HRH1: variants seen among roughly 807,000 people sequenced by gnomAD.
HRH1 encodes the protein histamine H1 receptor.
A neutral mutation model predicts 10.3 loss-of-function variants in HRH1; 6 were observed. The ratio of observed to expected loss-of-function variants is 0.58; its 90% confidence interval spans 0.32 to 1.15. The LOEUF (loss-of-function observed/expected upper bound fraction) is 1.15. Ranked by LOEUF, HRH1 falls within the 50% of genes most tolerant of loss-of-function variation. HRH1 has a pLI of 0.05. For synonymous variants in HRH1, 242 were observed against 236.7 expected, an observed-to-expected ratio of 1.02 and a Z score of -0.21; for missense variants, 514 against 615.3, an observed-to-expected ratio of 0.84 and a Z score of 1.74.
intron 1 of HRH1, among the ~76,000 whole-genome samples, chr3:11,231,548 T>C (rs79540869): frequency 1.0e-3 from 155 of 152,362 alleles, no homozygotes; most frequent in Admixed American, 2.7e-3. Flanking sequence ...TGTGCAGTGA[T>C]ATCTCGTTGT....
chr3:11,229,495 G>A lies in HRH1; in HGVS notation c.-35-29508G>A, dbSNP rs189170088. On this transcript the variant is annotated intron_variant, in intron 1 of 1. Coordinates refer to ENST00000431010, the MANE Select transcript of HRH1 (RefSeq NM_001098212.2). Reference sequence around the variant, plus strand: ...TACCACATCTTGGGTGTTACCTGAAGTGACTGTAAATGGTACAGAGATGTA... The same window carrying A: ...TACCACATCTTGGGTGTTACCTGAAATGACTGTAAATGGTACAGAGATGTA... Among the ~76,000 whole-genome samples the A allele has an allele frequency of 2.0e-5, 3 of 152,314 alleles. No individual in the cohort carries two copies. In the East Asian group the frequency reaches 5.8e-4, roughly 29 times the overall value.
intron 1 of HRH1, among the ~76,000 whole-genome samples, chr3:11,231,269 T>C (rs1196715745): frequency 6.6e-6 from 1 of 152,256 alleles, no homozygotes; most frequent in East Asian, 1.9e-4. Context: ...AGCATTGAGC[T>C]ATTATGAATA....
At chr3:11,186,157 A>T (rs931893463) in intron 1 of HRH1, among the ~76,000 whole-genome samples, 2 of 152,094 alleles carry the variant, frequency 1.3e-5, no homozygotes, top group African/African-American at 2.4e-5. Flanking sequence ...CAGGTTTGGC[A>T]TCCGGACAAC....
At chr3:11,161,237 A>G (rs983231041) in intron 1 of HRH1, among the ~76,000 whole-genome samples, 1 of 152,190 alleles carries the variant, frequency 6.6e-6, no homozygotes, top group Admixed American at 6.5e-5. Context: ...GATTGTTTGT[A>G]TAGGTTGTAT....
chr3:11,196,771 A>T (rs1025231526), intron 1 of HRH1, among the ~76,000 whole-genome samples: 2 of 151,960 alleles, frequency 1.3e-5, no homozygotes, highest in African/African-American at 4.8e-5. Flanking sequence ...CTAAAGTGTG[A>T]TCCATGGACT....
At chr3:11,186,786 G>C (rs1937458215) in intron 1 of HRH1, among the ~76,000 whole-genome samples, 1 of 152,138 alleles carries the variant, frequency 6.6e-6, no homozygotes, top group Non-Finnish European at 1.5e-5. Flanking sequence ...TCTGCTCTAG[G>C]TAATCAGGCA....
intron 1 of HRH1, among the ~76,000 whole-genome samples, chr3:11,252,095 T>C (rs1407773473): frequency 2.0e-5 from 3 of 152,218 alleles, no homozygotes; most frequent in East Asian, 1.9e-4. Context: ...TTCTACCTTT[T>C]GGATTTCTGG....
intron 1 of HRH1, among the ~76,000 whole-genome samples, chr3:11,140,025 A>G (rs972993282): frequency 3.3e-5 from 5 of 152,224 alleles, no homozygotes; most frequent in African/African-American, 1.2e-4. Flanking sequence ...AAGAAAAGAA[A>G]TAGGAAGCAT....
chr3:11,218,003 C>G (rs1245018169), intron 1 of HRH1, among the ~76,000 whole-genome samples: 2 of 152,082 alleles, frequency 1.3e-5, no homozygotes, highest in Non-Finnish European at 2.9e-5. Flanking sequence ...AAGGGAGATG[C>G]AACAGTCAAA....
intron 1 of HRH1, among the ~76,000 whole-genome samples, chr3:11,163,252 G>A (rs899265617): frequency 2.0e-5 from 3 of 152,090 alleles, no homozygotes; most frequent in Non-Finnish European, 2.9e-5. Context: ...CCTCCAGGCA[G>A]CCCCCTTCTA....
chr3:11,144,472 G>GACGTATAGACATACGTCTAT, intron 1 of HRH1, among the ~76,000 whole-genome samples: 1 of 149,674 alleles, frequency 6.7e-6, no homozygotes, highest in East Asian at 2.0e-4. Flanking sequence ...TATACATATA[G>GACGTATAGACATACGTCTAT]ACATATATAT....
At chr3:11,224,087 T>G (rs547745122) in intron 1 of HRH1, among the ~76,000 whole-genome samples, 2 of 152,114 alleles carry the variant, frequency 1.3e-5, no homozygotes, top group Non-Finnish European at 2.9e-5. Context: ...GAACACACAT[T>G]TGTTCTCTTT....
At chr3:11,180,299 T>A (rs971093203) in intron 1 of HRH1, among the ~76,000 whole-genome samples, 1 of 152,168 alleles carries the variant, frequency 6.6e-6, no homozygotes, top group Non-Finnish European at 1.5e-5. Context: ...ACCAGTTTCA[T>A]GGAAGACAAT....
intron 1 of HRH1, among the ~76,000 whole-genome samples, chr3:11,193,329 A>G (rs1937585114): frequency 1.0e-5 from 1 of 100,494 alleles, no homozygotes; most frequent in East Asian, 3.3e-4. Flanking sequence ...AAAAACTATT[A>G]ATATCAGGCT....
chr3:11,148,180 C>CAAAA (rs58792725), intron 1 of HRH1, among the ~76,000 whole-genome samples: 2,538 of 85,802 alleles, frequency 0.03, 60 homozygotes, highest in East Asian at 0.12. Flanking sequence ...CTCTGTCAAA[C>CAAAA]AAAAAAAAAA....
chr3:11,250,920 A>G (rs188672246), intron 1 of HRH1, among the ~76,000 whole-genome samples: 111 of 152,304 alleles, frequency 7.3e-4, no homozygotes, highest in Non-Finnish European at 9.7e-4. Flanking sequence ...CTACGCATCC[A>G]TAAACTCTGA....
At chr3:11,189,072 T>C (rs960778537) in intron 1 of HRH1, among the ~76,000 whole-genome samples, 4 of 152,248 alleles carry the variant, frequency 2.6e-5, no homozygotes, top group Non-Finnish European at 5.9e-5. Context: ...TTATCTCTTC[T>C]GACCTTCCCA....
intron 1 of HRH1, among the ~76,000 whole-genome samples, chr3:11,183,144 C>A (rs1374289524): frequency 2.0e-5 from 3 of 152,186 alleles, no homozygotes; most frequent in African/African-American, 7.2e-5. Context: ...AGCCCAGTCC[C>A]ACCTTTTTAA....
At chr3:11,219,742 A>G (rs1938638880) in intron 1 of HRH1, among the ~76,000 whole-genome samples, 1 of 151,184 alleles carries the variant, frequency 6.6e-6, no homozygotes, top group South Asian at 2.1e-4. Flanking sequence ...AAAGGAAAGA[A>G]AATTTAATTT....
Sources: gnomAD v4.1 joint callset for allele counts (sites outside exome capture counted in the v4.1 genomes callset) on GRCh38, gnomAD v4.1.1 for gene constraint, MANE v1.5 for transcripts, NCBI Gene and HGNC (gene_info 2026-07-23, HGNC 2026-07-21) for gene names.